FAT3: variants seen among roughly 807,000 people sequenced by gnomAD.
FAT3 encodes FAT atypical cadherin 3.
FAT3 carries 95 observed loss-of-function variants against 310.2 expected under a neutral mutation model. The ratio of observed to expected loss-of-function variants is 0.31; its 90% CI spans 0.26 to 0.36. The LOEUF (loss-of-function observed/expected upper bound fraction) is 0.36. Ranked by LOEUF, FAT3 falls within the 10% of genes least tolerant of loss-of-function variation. The pLI is 1.00. For synonymous variants in FAT3, 2,314 were observed against 2,192.9 expected (o/e 1.06, Z -1.54); for missense variants, 5,408 against 5,715.6 (o/e 0.95, Z 1.74).
At chr11:92,374,012 ACT>A (rs1949269337) in intron 2 of FAT3, among the ~76,000 whole-genome samples, 1 of 143,164 alleles carries the variant, frequency 7.0e-6, no homozygotes, top group South Asian at 2.3e-4. Context: ...TGGCCAAAGG[ACT>A]CTCAGACAGA....
In FAT3 at chr11:92,425,316, G is replaced by A. The variant is rs146867942; in HGVS notation, c.3292+69912G>A. Reference sequence around the variant, plus strand: ...TTGGTCAGAGAGGGCCCAAAGATCAGCAAACCCTGAAGATCTTCACGGAAG... The same window carrying A: ...TTGGTCAGAGAGGGCCCAAAGATCAACAAACCCTGAAGATCTTCACGGAAG... On this transcript the variant is annotated intron_variant, in intron 2 of 27. Coordinates refer to ENST00000525166, the MANE Select transcript of FAT3 (RefSeq NM_001367949.2). Among the ~76,000 whole-genome samples, 268 of 152,130 alleles carry A rather than the reference G, an allele frequency of 1.8e-3. 2 individuals carry two copies. The highest frequency in any genetic ancestry group is 6.3e-3 in the African/African-American group (260 of 41,526).
chr11:92,539,784 A>C (rs1187655086), intron 3 of FAT3, among the ~76,000 whole-genome samples: 1 of 152,200 alleles, frequency 6.6e-6, no homozygotes, highest in Non-Finnish European at 1.5e-5. Flanking sequence ...AACACACACA[A>C]AAAAGATTAT....
At chr11:92,861,848 CTTGGTTGTT>C (rs1399735535) in intron 21 of FAT3, among the ~76,000 whole-genome samples, 1 of 152,310 alleles carries the variant, frequency 6.6e-6, no homozygotes, top group East Asian at 1.9e-4. Context: ...AATTGCACCT[CTTGGTTGTT>C]TATATTTTCC....
At chr11:92,365,029 G>A (rs964636117) in intron 2 of FAT3, among the ~76,000 whole-genome samples, 1 of 152,174 alleles carries the variant, frequency 6.6e-6, no homozygotes, top group African/African-American at 2.4e-5. Flanking sequence ...GGAGGCCAAG[G>A]CAGGAGGATT....
chr11:92,549,125 G>GA (rs1296946344), intron 3 of FAT3, among the ~76,000 whole-genome samples: 2 of 152,110 alleles, frequency 1.3e-5, no homozygotes, highest in Non-Finnish European at 2.9e-5. Flanking sequence ...TCTAAATGCT[G>GA]AAAAATGTCA....
At chr11:92,555,970 C>G (rs775634058) in intron 3 of FAT3, among the ~76,000 whole-genome samples, 1 of 152,036 alleles carries the variant, frequency 6.6e-6, no homozygotes, top group Non-Finnish European at 1.5e-5. Context: ...TCGGTCTGCT[C>G]GGTTTAAAAA....
chr11:92,762,095 G>A lies in FAT3; in HGVS notation c.3909G>A (p.Lys1303=), dbSNP rs1565573671. ...YSIVDGNDDG[K]FFIDPKTGMV... is the part of the protein sequence containing the mutation. ...TTGTGGATGGGAATGATGACGGAAA[G>A]TTCTTTATTGACCCTAAAACTGGGA... Residue 1303 remains lysine (K), a synonymous_variant, in exon 5 of 28, where the codon AAG becomes AAA. Coordinates refer to ENST00000525166, the MANE Select transcript of FAT3 (RefSeq NM_001367949.2). 1 of 1,613,992 alleles carries A rather than the reference G, an allele frequency of 6.2e-7. No homozygotes were observed.
At chr11:92,619,597 A>G (rs1940986387) in intron 3 of FAT3, among the ~76,000 whole-genome samples, 1 of 151,750 alleles carries the variant, frequency 6.6e-6, no homozygotes, top group Non-Finnish European at 1.5e-5. Flanking sequence ...CAAGTTTGGT[A>G]TTTTCCTTCT....
At position 92,658,922 on chromosome 11, in the gene FAT3, TATCATCATCATC is replaced by T. The variant is rs71305391; in HGVS notation, c.3608-38442_3608-38431del. Among the ~76,000 whole-genome samples the T allele has an allele frequency of 3.3e-5, 5 of 149,820 alleles. No individual in the cohort carries two copies. The East Asian group carries it at 5.9e-4, about 18-fold the overall frequency. Reference sequence around the variant, plus strand: ...ACTCGCCTATTGTCATCATCGTCATTATCATCATCATCATCATCATCATCATCATCAATATCA... The same window carrying T: ...ACTCGCCTATTGTCATCATCGTCATTATCATCATCATCATCATCAATATCA... On this transcript the variant is annotated intron_variant, in intron 3 of 27. Transcript: ENST00000525166.
intron 1 of FAT3, among the ~76,000 whole-genome samples, chr11:92,270,075 T>C (rs565487818): frequency 3.2e-4 from 49 of 152,278 alleles, no homozygotes; most frequent in African/African-American, 1.2e-3. Context: ...TTCCAGGTGA[T>C]TGATGACATC....
chr11:92,694,705 G>A (rs552807185), intron 3 of FAT3, among the ~76,000 whole-genome samples: 133 of 152,268 alleles, frequency 8.7e-4, no homozygotes, highest in African/African-American at 2.9e-3. Flanking sequence ...GAGGGCAAAG[G>A]GGTCCTGGTC....
intron 13 of FAT3, among the ~76,000 whole-genome samples, chr11:92,810,368 AT>A (rs1407470089): frequency 1.3e-5 from 2 of 152,114 alleles, no homozygotes; most frequent in Non-Finnish European, 2.9e-5. Context: ...TTGTTTTTAG[AT>A]TTTGACCTTT....
chr11:92,833,396 C>G (rs1049147936), intron 14 of FAT3, among the ~76,000 whole-genome samples: 1 of 152,120 alleles, frequency 6.6e-6, no homozygotes, highest in Non-Finnish European at 1.5e-5. Flanking sequence ...TAAATATAAA[C>G]AAGAAATCAT....
intron 22 of FAT3, among the ~76,000 whole-genome samples, chr11:92,869,478 G>A (rs556998085): frequency 2.5e-4 from 38 of 152,332 alleles, no homozygotes; most frequent in African/African-American, 8.2e-4. Flanking sequence ...CTCTTCTGAT[G>A]TGTGAGGGGG....
intron 21 of FAT3, among the ~76,000 whole-genome samples, chr11:92,864,678 A>T (rs187335520): frequency 6.6e-6 from 1 of 152,048 alleles, no homozygotes; most frequent in Non-Finnish European, 1.5e-5. Flanking sequence ...TTAGCTGGGC[A>T]TGGTGGCGCT....
chr11:92,296,866 CT>C (rs920060416), intron 1 of FAT3, among the ~76,000 whole-genome samples: 2 of 152,050 alleles, frequency 1.3e-5, no homozygotes, highest in Non-Finnish European at 2.9e-5. Context: ...TACTGACTTT[CT>C]TCCTGGACTT....
chr11:92,370,978 G>A (rs1237352038), intron 2 of FAT3, among the ~76,000 whole-genome samples: 3 of 152,198 alleles, frequency 2.0e-5, no homozygotes, highest in African/African-American at 7.2e-5. Context: ...CATTAACTCT[G>A]TGGTTTTCAT....
At chr11:92,572,836 A>T (rs899859504) in intron 3 of FAT3, among the ~76,000 whole-genome samples, 1 of 152,204 alleles carries the variant, frequency 6.6e-6, no homozygotes, top group Non-Finnish European at 1.5e-5. Context: ...TCATGAGGTG[A>T]CTGAAAACAT....
Position 92,890,840 on chromosome 11 carries a change from C to T in FAT3, c.13497C>T (p.Phe4499=), listed in dbSNP as rs2136447301. Reference sequence around the variant, plus strand: ...GCCAGTATCTCCCTCCTCACCCATTCCCCAACGAAACGGATTTGGTGGGCC... The same window carrying T: ...GCCAGTATCTCCCTCCTCACCCATTTCCCAACGAAACGGATTTGGTGGGCC... ...HPSQYLPPHP[F]PNETDLVGPP... Residue 4499 remains phenylalanine (F), a synonymous_variant, in exon 28 of 28, where the codon TTC becomes TTT. Coordinates refer to ENST00000525166, the MANE Select transcript of FAT3 (RefSeq NM_001367949.2). 1 of 1,613,386 alleles carries T rather than the reference C, an allele frequency of 6.2e-7. No individual in the cohort carries two copies. The highest frequency in any genetic ancestry group is 8.5e-7 in the Non-Finnish European group (1 of 1,179,722).
Sources: allele counts gnomAD v4.1 joint callset (sites outside exome capture counted in the v4.1 genomes callset), GRCh38; gene constraint gnomAD v4.1.1; transcripts MANE v1.5; gene names NCBI Gene and HGNC (gene_info 2026-07-23, HGNC 2026-07-21).